Variants in RTN4RL1 observed in about 807,000 individuals in gnomAD.
RTN4RL1 encodes the protein reticulon-4 receptor-like 1.
A neutral mutation model predicts 25.6 loss-of-function variants in RTN4RL1; 7 were observed. The observed-to-expected ratio is 0.27, with a 90% CI of 0.16 to 0.51. The LOEUF is 0.51. Among genes scored for constraint, RTN4RL1 ranks in the 20% least tolerant of loss-of-function variants. The pLI is 0.97. For synonymous variants in RTN4RL1, 297 were observed against 288.2 expected, an observed-to-expected ratio of 1.03 and a Z score of -0.31; for missense variants, 500 against 615.6, an observed-to-expected ratio of 0.81 and a Z score of 1.99.
chr17:1,948,594 C>T (rs955609643), intron 1 of RTN4RL1, among the ~76,000 whole-genome samples: 10 of 152,070 alleles, frequency 6.6e-5, no homozygotes, highest in African/African-American at 1.9e-4. Context: ...CACAGGCGGA[C>T]GGGCAGACAC....
rs193151070 is a variant in RTN4RL1 at position 1,980,277 on chromosome 17, C to T, written c.14-42469G>A. Among the ~76,000 whole-genome samples the T allele has an allele frequency of 5.4e-5, 8 of 149,306 alleles. No individual in the cohort carries two copies. The East Asian group carries it at 1.6e-3, about 30-fold the overall frequency. ...GTAGAGACAGGACCTCACTATGTTG[C>T]CCAGCCTGGTTTGGAACTCCTGGGC... On this transcript the variant is annotated intron_variant, in intron 1 of 1. Transcript: ENST00000331238.
intron 1 of RTN4RL1, among the ~76,000 whole-genome samples, chr17:1,974,289 G>A (rs924663741): frequency 2.0e-5 from 3 of 152,088 alleles, no homozygotes; most frequent in Non-Finnish European, 2.9e-5. Context: ...AGACCCAGCT[G>A]CAGAGATGAG....
chr17:1,952,934 G>T (rs1237099819), intron 1 of RTN4RL1, among the ~76,000 whole-genome samples: 1 of 151,626 alleles, frequency 6.6e-6, no homozygotes, highest in Non-Finnish European at 1.5e-5. Context: ...AAAATTAGTC[G>T]GGTGTGGTGG....
At position 1,936,938 on chromosome 17, in the gene RTN4RL1, A is replaced by G; in HGVS notation, c.884T>C (p.Leu295Pro). 6.2e-7 allele frequency: 1 copy of G among 1,610,346 alleles called. No homozygotes were observed. Among genetic ancestry groups the G allele is most frequent in the Non-Finnish European group, 8.5e-7 (1 of 1,179,166 alleles). The change falls in exon 2 of 2, where the codon CTG (leucine) becomes CCG (proline). Residue 295 changes from leucine to proline, a missense_variant. Around this residue, in one of 2 missense-constraint regions of RTN4RL1, gnomAD observed 268 missense variants for 274.5 expected, o/e 0.98. Transcript: ENST00000331238. The part of the protein sequence containing the change: ...PGLRHGQDLK[L>P]LRAEDFRNCT... ...GTTCCGGAAGTCCTCGGCCCTCAGC[A>G]GCTTCAGGTCCTGGCCGTGCCGCAG...
intron 1 of RTN4RL1, among the ~76,000 whole-genome samples, chr17:2,004,381 A>G (rs2066979628): frequency 6.6e-6 from 1 of 151,144 alleles, no homozygotes; most frequent in Non-Finnish European, 1.5e-5. Flanking sequence ...AAAAAAAAAA[A>G]AAAAAAAAAA....
intron 1 of RTN4RL1, among the ~76,000 whole-genome samples, chr17:1,980,810 C>A (rs763919617): frequency 6.6e-6 from 1 of 150,760 alleles, no homozygotes; most frequent in African/African-American, 2.4e-5. Flanking sequence ...AGCCTGTAAT[C>A]CCAGCTACTC....
intron 1 of RTN4RL1, among the ~76,000 whole-genome samples, chr17:1,955,498 G>A (rs1282691193): frequency 6.6e-6 from 1 of 151,674 alleles, no homozygotes; most frequent in African/African-American, 2.4e-5. Flanking sequence ...CAAGGCTGCT[G>A]TTAACCATGA....
intron 1 of RTN4RL1, among the ~76,000 whole-genome samples, chr17:1,981,061 C>G (rs1407678414): frequency 2.0e-5 from 3 of 152,028 alleles, no homozygotes; most frequent in Non-Finnish European, 4.4e-5. Context: ...CACAGGAGCC[C>G]CTTGTGACCC....
chr17:1,945,538 A>G (rs1915519453), intron 1 of RTN4RL1, among the ~76,000 whole-genome samples: 1 of 151,534 alleles, frequency 6.6e-6, no homozygotes. Context: ...AAAAATAGAG[A>G]TGGGGTTTCA....
chr17:2,015,355 G>A (rs1169450193), intron 1 of RTN4RL1, among the ~76,000 whole-genome samples: 6 of 152,188 alleles, frequency 3.9e-5, no homozygotes, highest in Non-Finnish European at 5.9e-5. Flanking sequence ...ACTGGGGGTC[G>A]GTGGGCAGGT....
At chr17:1,968,205 C>T (rs1418295998) in intron 1 of RTN4RL1, among the ~76,000 whole-genome samples, 1 of 152,156 alleles carries the variant, frequency 6.6e-6, no homozygotes, top group Admixed American at 6.5e-5. Flanking sequence ...CACAGGTCCT[C>T]TGGAATCTCC....
intron 1 of RTN4RL1, among the ~76,000 whole-genome samples, chr17:1,964,000 A>C (rs1054180164): frequency 5.9e-5 from 9 of 152,124 alleles, no homozygotes; most frequent in Non-Finnish European, 1.0e-4. Context: ...GTGCTGGATT[A>C]CAGGCGTGAG....
intron 1 of RTN4RL1, among the ~76,000 whole-genome samples, chr17:1,954,495 C>G (rs1223529443): frequency 6.7e-6 from 1 of 149,728 alleles, no homozygotes; most frequent in East Asian, 2.0e-4. Flanking sequence ...TTCAAGTCAT[C>G]TCCTGCCTCA....
intron 1 of RTN4RL1, among the ~76,000 whole-genome samples, chr17:2,011,910 C>T (rs567902591): frequency 4.3e-4 from 65 of 152,284 alleles, no homozygotes; most frequent in African/African-American, 1.5e-3. Context: ...CTCTTTCCCT[C>T]GGCCCCTCCT....
intron 1 of RTN4RL1, among the ~76,000 whole-genome samples, chr17:1,970,079 T>C (rs1412737348): frequency 6.7e-6 from 1 of 150,210 alleles, no homozygotes; most frequent in East Asian, 2.0e-4. Context: ...TGGAGTGCAA[T>C]GGCGCAATCT....
chr17:2,020,626 T>C (rs955159414), intron 1 of RTN4RL1: 3 of 152,238 alleles, frequency 2.0e-5, no homozygotes, highest in Non-Finnish European at 4.4e-5. Context: ...CGCTGAATTA[T>C]TCAGGGATGG....
intron 1 of RTN4RL1, among the ~76,000 whole-genome samples, chr17:2,009,260 G>A (rs113512769): frequency 0.011 from 1,622 of 152,246 alleles, 34 homozygotes; most frequent in African/African-American, 0.037. Flanking sequence ...AGGAGTTCAA[G>A]ACCAGCCTGG....
rs1915278291 is a variant in RTN4RL1 at position 1,935,580 on chromosome 17, T to C, written c.*916A>G. 1.0e-6 allele frequency: 1 copy of C among 985,104 alleles called. No homozygotes were observed. The allele number at this position is 985,104 out of a possible 1,614,324, so 61.0% of individuals were successfully genotyped here. ...CCAGTTTGGGATTCTAGACAAAAAT[T>C]CTATCACTTTGTTTTTGCTAGAAAT... is the stretch of plus-strand genomic sequence containing the variant. On this transcript the variant is annotated 3_prime_UTR_variant, in exon 2 of 2. Transcript: ENST00000331238.
At chr17:1,995,173 T>TGGGAGGCCAA (rs942241917) in intron 1 of RTN4RL1, among the ~76,000 whole-genome samples, 10 of 152,164 alleles carry the variant, frequency 6.6e-5, no homozygotes, top group Admixed American at 2.6e-4. Context: ...CCCAGCACTT[T>TGGGAGGCCAA]GGGAGGCCAA....
Sources: gnomAD v4.1 joint callset for allele counts (sites outside exome capture counted in the v4.1 genomes callset) on GRCh38, gnomAD v4.1.1 for gene constraint, gnomAD v4.1.1 regional missense constraint, MANE v1.5 for transcripts, NCBI Gene and HGNC (gene_info 2026-07-23, HGNC 2026-07-21) for gene names.